Variants in HECW2 observed in about 807,000 individuals in gnomAD.
HECW2 encodes E3 ubiquitin-protein ligase HECW2.
A neutral mutation model predicts 175.2 loss-of-function variants in HECW2; 61 were observed. The observed-to-expected ratio is 0.35, with a 90% CI of 0.28 to 0.43. The LOEUF (loss-of-function observed/expected upper bound fraction) is 0.43. HECW2 is among the 20% of genes least tolerant of loss of function. The pLI is 1.00. For synonymous variants in HECW2, 671 were observed against 731.0 expected, an observed-to-expected ratio of 0.92 and a Z score of 1.32; for missense variants, 1,524 against 2,000.5, an observed-to-expected ratio of 0.76 and a Z score of 4.54.
At chr2:196,562,973 G>T (rs1243627532) in intron 1 of HECW2, among the ~76,000 whole-genome samples, 1 of 152,138 alleles carries the variant, frequency 6.6e-6, no homozygotes, top group East Asian at 1.9e-4. Context: ...AGCCTGGGAG[G>T]TTGAGGCTGC....
At chr2:196,337,522 G>A (rs1303872778) in intron 3 of HECW2, among the ~76,000 whole-genome samples, 3 of 150,404 alleles carry the variant, frequency 2.0e-5, no homozygotes, top group African/African-American at 7.4e-5. Context: ...AGCCTGATGT[G>A]GCAGGCAACA....
At chr2:196,268,326 T>C (rs1188876938) in intron 17 of HECW2, among the ~76,000 whole-genome samples, 2 of 152,140 alleles carry the variant, frequency 1.3e-5, no homozygotes, top group Non-Finnish European at 2.9e-5. Context: ...TCATAGCCTA[T>C]CAAATAATTG....
At chr2:196,580,654 CAA>C (rs56875271) in intron 1 of HECW2, among the ~76,000 whole-genome samples, 51 of 91,854 alleles carry the variant, frequency 5.6e-4, no homozygotes, top group Non-Finnish European at 5.3e-4. Context: ...GCTACAATGG[CAA>C]AAAAAAAAAA....
At chr2:196,475,045 A>G (rs1686518298) in intron 1 of HECW2, among the ~76,000 whole-genome samples, 1 of 152,126 alleles carries the variant, frequency 6.6e-6, no homozygotes, top group Non-Finnish European at 1.5e-5. Context: ...GGCTTGGTCC[A>G]TGGTTCCACG....
chr2:196,301,885 T>C (rs1259437682), intron 13 of HECW2, among the ~76,000 whole-genome samples: 2 of 152,324 alleles, frequency 1.3e-5, no homozygotes, highest in South Asian at 2.1e-4. Flanking sequence ...CTCTTTAGTT[T>C]AATTAGATCC....
chr2:196,487,031 C>G (rs1687030921), intron 1 of HECW2, among the ~76,000 whole-genome samples: 1 of 151,968 alleles, frequency 6.6e-6, no homozygotes, highest in South Asian at 2.1e-4. Flanking sequence ...CATCTGTAGT[C>G]CCAGCTACTT....
chr2:196,344,352 T>C (rs1692876029), intron 2 of HECW2, among the ~76,000 whole-genome samples: 1 of 141,232 alleles, frequency 7.1e-6, no homozygotes, highest in African/African-American at 2.6e-5. Flanking sequence ...AAAGAGTCTC[T>C]ATAGGCTTTT....
chr2:196,319,366 C>T lies in HECW2; in HGVS notation c.1524G>A (p.Leu508=), dbSNP rs1691847769. The change falls in exon 9 of 29, where the codon CTG becomes CTA. Residue 508 remains leucine (L), a synonymous_variant. Transcript: ENST00000644978. ...CCTCATTCTCAACAGGGTTGTCCTC[C>T]AGCTTTGTCTGAGATGTCAGGCTTC... ...DDGSLTSQTK[L]EDNPVENEEA... is the part of the protein sequence containing the mutation. The T allele has an allele frequency of 6.2e-7, 1 of 1,614,070 alleles. No individual in the cohort carries two copies. Among genetic ancestry groups the T allele is most frequent in the African/African-American group, 1.3e-5 (1 of 74,928 alleles).
rs1458318039 is a variant in HECW2, at chr2:196,393,547, GA to G, written c.292+39584del. ...ACATTTATGAAGCCAACAGACACAC[GA>G]AAAAATGCTCATCATCACTGGCCAT... On this transcript the variant is annotated intron_variant, in intron 2 of 28. Coordinates refer to ENST00000644978, the MANE Select transcript of HECW2 (RefSeq NM_001348768.2). Among the ~76,000 whole-genome samples the G allele has an allele frequency of 3.3e-5, 5 of 152,260 alleles. No homozygotes were observed. The Middle Eastern group carries it at 0.014, about 414-fold the overall frequency.
intron 21 of HECW2, among the ~76,000 whole-genome samples, chr2:196,236,295 G>A (rs1688250709): frequency 6.6e-6 from 1 of 152,018 alleles, no homozygotes; most frequent in African/African-American, 2.4e-5. Flanking sequence ...AATTGTCCAG[G>A]GAAACATTTC....
chr2:196,420,133 C>T (rs761639190), intron 2 of HECW2, among the ~76,000 whole-genome samples: 4 of 152,124 alleles, frequency 2.6e-5, no homozygotes, highest in Admixed American at 2.0e-4. Context: ...AGTACAAAAA[C>T]TCAAACTATG....
chr2:196,398,828 G>A (rs911618662), intron 2 of HECW2, among the ~76,000 whole-genome samples: 1 of 152,128 alleles, frequency 6.6e-6, no homozygotes, highest in African/African-American at 2.4e-5. Flanking sequence ...AAAATACTGA[G>A]CTAAGCATGG....
chr2:196,204,643 C>T (rs1575215535), intron 28 of HECW2, among the ~76,000 whole-genome samples: 1 of 152,328 alleles, frequency 6.6e-6, no homozygotes, highest in Middle Eastern at 3.4e-3. Context: ...TGGATGCCTG[C>T]TCCATGAAAA....
At chr2:196,244,664 G>A (rs567230179) in intron 19 of HECW2, among the ~76,000 whole-genome samples, 4 of 152,340 alleles carry the variant, frequency 2.6e-5, no homozygotes, top group South Asian at 2.1e-4. Context: ...AAAGGCCTTA[G>A]GGAGGAAGCT....
intron 22 of HECW2, 99 bp from the exon 23 acceptor site, chr2:196,225,969 T>G: frequency 1.4e-6 from 1 of 721,174 alleles, no homozygotes; most frequent in East Asian, 2.7e-5. Context: ...ACCATCTAAA[T>G]TTTTCCAATA....
intron 2 of HECW2, among the ~76,000 whole-genome samples, chr2:196,399,382 C>T (rs530445437): frequency 1.1e-3 from 164 of 152,350 alleles, no homozygotes; most frequent in Non-Finnish European, 1.9e-3. Context: ...GCAGACTACT[C>T]TGGGCTAAAC....
At chr2:196,529,018 C>G (rs1559160744) in intron 1 of HECW2, among the ~76,000 whole-genome samples, 1 of 152,244 alleles carries the variant, frequency 6.6e-6, no homozygotes, top group Non-Finnish European at 1.5e-5. Context: ...ATGACTCTCT[C>G]ATCATTTTCT....
At chr2:196,510,357 A>G (rs1048990982) in intron 1 of HECW2, among the ~76,000 whole-genome samples, 1 of 152,208 alleles carries the variant, frequency 6.6e-6, no homozygotes, top group Non-Finnish European at 1.5e-5. Flanking sequence ...AAGAAAAAGT[A>G]TAATCATTAA....
At chr2:196,211,495 G>A (rs181446546) in intron 28 of HECW2, among the ~76,000 whole-genome samples, 31 of 152,064 alleles carry the variant, frequency 2.0e-4, no homozygotes, top group Non-Finnish European at 8.8e-5. Context: ...TTATCATCTG[G>A]GTCTCTAGTC....
Sources: allele counts gnomAD v4.1 joint callset (sites outside exome capture counted in the v4.1 genomes callset), GRCh38; gene constraint gnomAD v4.1.1; transcripts MANE v1.5; gene names NCBI Gene and HGNC (gene_info 2026-07-23, HGNC 2026-07-21).